NRG3: variants seen among roughly 807,000 people sequenced by gnomAD.
The protein encoded by NRG3 is neuregulin 3.
In NRG3, 31 loss-of-function variants were observed where a neutral mutation model predicts 66.9. That is an observed-to-expected ratio of 0.46 (90% CI 0.35 to 0.63). The LOEUF (loss-of-function observed/expected upper bound fraction) is 0.63, where lower values mean the gene tolerates loss of function less well. NRG3 is among the 20% of genes least tolerant of loss of function. NRG3 has a pLI of 0.00. For missense variants in NRG3, 910 were observed against 878.9 expected (o/e 1.04, Z -0.45); for synonymous variants, 393 against 359.4 (o/e 1.09, Z -1.06).
At chr10:82,764,300 GC>G (rs1437223442) in intron 3 of NRG3, among the ~76,000 whole-genome samples, 2 of 151,802 alleles carry the variant, frequency 1.3e-5, no homozygotes, top group Admixed American at 6.6e-5. Context: ...TTTCTAGAGT[GC>G]TTGGATTACA....
At chr10:82,394,345 C>T (rs2135989048) in intron 2 of NRG3, among the ~76,000 whole-genome samples, 1 of 152,298 alleles carries the variant, frequency 6.6e-6, no homozygotes, top group Admixed American at 6.5e-5. Context: ...AGGCAGGCTG[C>T]CAAAGCAAAG....
In NRG3 at chr10:82,429,812, T is replaced by C. The variant is rs182605776; in HGVS notation, c.953+70944T>C. 3.4e-4 allele frequency among the ~76,000 whole-genome samples: 52 copies of C among 152,290 alleles called. 2 individuals carry two copies. The East Asian group carries it at 9.8e-3, about 29-fold the overall frequency. On this transcript the variant is annotated intron_variant, in intron 2 of 8. Transcript: ENST00000372141. Reference sequence around the variant, plus strand: ...CTCTGAGTTTCTGTTCATTTTTCTTTATTTGTTTTTCTTTCTATTCTCAGA... The same window carrying C: ...CTCTGAGTTTCTGTTCATTTTTCTTCATTTGTTTTTCTTTCTATTCTCAGA...
intron 4 of NRG3, among the ~76,000 whole-genome samples, chr10:82,919,655 T>C (rs2132052120): frequency 6.6e-6 from 1 of 152,244 alleles, no homozygotes; most frequent in Non-Finnish European, 1.5e-5. Context: ...AGTACACATG[T>C]AGGAAAGGAA....
At chr10:82,599,540 C>T (rs1263240723) in intron 2 of NRG3, among the ~76,000 whole-genome samples, 4 of 152,176 alleles carry the variant, frequency 2.6e-5, no homozygotes, top group African/African-American at 4.8e-5. Flanking sequence ...TCAGGCCGGG[C>T]GCCGGGGCTC....
intron 2 of NRG3, among the ~76,000 whole-genome samples, chr10:82,546,005 G>A (rs2043889926): frequency 6.6e-6 from 1 of 151,572 alleles, no homozygotes; most frequent in Non-Finnish European, 1.5e-5. Flanking sequence ...TCCTGACCTC[G>A]TGATCCGACC....
intron 1 of NRG3, among the ~76,000 whole-genome samples, chr10:81,900,545 C>T (rs566529570): frequency 5.9e-5 from 9 of 152,306 alleles, no homozygotes; most frequent in South Asian, 4.1e-4. Context: ...CTGCTAATGA[C>T]GCTGGGGTTT....
intron 1 of NRG3, among the ~76,000 whole-genome samples, chr10:82,033,064 A>T (rs1325338393): frequency 6.6e-6 from 1 of 152,206 alleles, no homozygotes; most frequent in Non-Finnish European, 1.5e-5. Context: ...AATTCAAAGA[A>T]CAGACTTAAT....
intron 2 of NRG3, among the ~76,000 whole-genome samples, chr10:82,603,262 C>T (rs1440293594): frequency 3.9e-5 from 6 of 152,178 alleles, no homozygotes; most frequent in East Asian, 3.9e-4. Flanking sequence ...GCCCCACTCT[C>T]GGGAGGCAAA....
At chr10:82,194,763 CT>C (rs1475846862) in intron 1 of NRG3, among the ~76,000 whole-genome samples, 1 of 152,108 alleles carries the variant, frequency 6.6e-6, no homozygotes, top group Non-Finnish European at 1.5e-5. Context: ...TATTATTATC[CT>C]GTTATTTGAC....
chr10:81,969,517 T>C (rs2059849225), intron 1 of NRG3, among the ~76,000 whole-genome samples: 1 of 152,148 alleles, frequency 6.6e-6, no homozygotes, highest in Admixed American at 6.6e-5. Context: ...ATTTCTAGTC[T>C]GAGCTGACAT....
intron 2 of NRG3, among the ~76,000 whole-genome samples, chr10:82,717,549 G>A (rs533082731): frequency 2.2e-4 from 33 of 151,864 alleles, no homozygotes; most frequent in South Asian, 8.4e-4. Flanking sequence ...ACAGGCACCC[G>A]CCACCACGCT....
At chr10:82,440,404 A>G (rs1485324297) in intron 2 of NRG3, among the ~76,000 whole-genome samples, 1 of 106,060 alleles carries the variant, frequency 9.4e-6, no homozygotes, top group African/African-American at 4.1e-5. Context: ...TTTTATTTAT[A>G]TGTATGCTAT....
At chr10:82,089,199 G>A (rs1453200204) in intron 1 of NRG3, among the ~76,000 whole-genome samples, 2 of 151,628 alleles carry the variant, frequency 1.3e-5, no homozygotes, top group Non-Finnish European at 2.9e-5. Flanking sequence ...ACTGCATTTT[G>A]TTATTGAAAT....
chr10:82,162,666 A>G (rs935869392), intron 1 of NRG3, among the ~76,000 whole-genome samples: 16 of 152,124 alleles, frequency 1.1e-4, no homozygotes, highest in African/African-American at 3.9e-4. Context: ...GCCTATCATC[A>G]TTACTGGCAG....
chr10:82,581,217 C>T (rs1475339913), intron 2 of NRG3, among the ~76,000 whole-genome samples: 1 of 151,866 alleles, frequency 6.6e-6, no homozygotes, highest in Admixed American at 6.6e-5. Flanking sequence ...GGCTTATTTG[C>T]CATCTGTATA....
At chr10:82,144,936 C>T (rs972193547) in intron 1 of NRG3, among the ~76,000 whole-genome samples, 5 of 152,120 alleles carry the variant, frequency 3.3e-5, no homozygotes, top group Non-Finnish European at 5.9e-5. Flanking sequence ...TGAGAATTGC[C>T]CTTTGTTTCT....
chr10:82,297,831 A>G (rs1042559952), intron 1 of NRG3, among the ~76,000 whole-genome samples: 1 of 152,096 alleles, frequency 6.6e-6, no homozygotes, highest in African/African-American at 2.4e-5. Flanking sequence ...ATAGAATGAC[A>G]ATATTATTTT....
intron 2 of NRG3, among the ~76,000 whole-genome samples, chr10:82,463,573 G>C (rs550699137): frequency 1.3e-5 from 2 of 152,322 alleles, no homozygotes; most frequent in African/African-American, 4.8e-5. Context: ...TAGTACTGTT[G>C]TGAGGATTTA....
chr10:82,489,530 T>G (rs2132232259), intron 2 of NRG3, among the ~76,000 whole-genome samples: 1 of 152,234 alleles, frequency 6.6e-6, no homozygotes, highest in East Asian at 1.9e-4. Context: ...AGCAATAACC[T>G]AAGCCAAATA....
Sources: allele counts gnomAD v4.1 joint callset (sites outside exome capture counted in the v4.1 genomes callset), GRCh38; gene constraint gnomAD v4.1.1; transcripts MANE v1.5; gene names NCBI Gene and HGNC (gene_info 2026-07-23, HGNC 2026-07-21).